The following ANO1 variants were observed in gnomAD, a reference collection of about 807,000 sequenced individuals.
The protein encoded by ANO1 is anoctamin-1.
A neutral mutation model predicts 124.0 loss-of-function variants in ANO1; 59 were observed. The ratio of observed to expected loss-of-function variants is 0.48; its 90% CI spans 0.39 to 0.59. ANO1 has a LOEUF of 0.59. ANO1 is among the 20% of genes least tolerant of loss of function. The probability of loss-of-function intolerance (pLI) is 0.00; values close to 1 mark genes in which losing one functional copy is unlikely to be tolerated. For synonymous variants in ANO1, 529 were observed against 532.0 expected, an observed-to-expected ratio of 0.99 and a Z score of 0.08; for missense variants, 1,059 against 1,328.0, an observed-to-expected ratio of 0.80 and a Z score of 3.15.
chr11:70,091,327 C>G (rs910586417), intron 2 of ANO1, among the ~76,000 whole-genome samples: 1 of 152,164 alleles, frequency 6.6e-6, no homozygotes, highest in Non-Finnish European at 1.5e-5. Flanking sequence ...GTGAGCTTTC[C>G]TGGGGAGAAA....
intron 1 of ANO1, among the ~76,000 whole-genome samples, chr11:70,016,766 C>G (rs986574585): frequency 3.3e-5 from 5 of 152,214 alleles, no homozygotes; most frequent in Non-Finnish European, 7.3e-5. Flanking sequence ...TGGGGCTCAC[C>G]CTTAATCTGG....
chr11:70,161,976 GGGGAGTGAGGACCC>G (rs2048062531), intron 18 of ANO1, among the ~76,000 whole-genome samples: 1 of 148,862 alleles, frequency 6.7e-6, no homozygotes, highest in African/African-American at 2.5e-5. Context: ...AGTGAGGACC[GGGGAGTGAGGACCC>G]GGGAGTGAGG....
intron 10 of ANO1, chr11:70,129,515 C>T (rs2046659463): frequency 6.6e-6 from 1 of 152,216 alleles, no homozygotes; most frequent in African/African-American, 2.4e-5. Context: ...ACCCCTGCTC[C>T]CATGCACACA....
At chr11:70,027,855 C>T (rs968872350) in intron 1 of ANO1, among the ~76,000 whole-genome samples, 54 of 152,110 alleles carry the variant, frequency 3.6e-4, no homozygotes, top group African/African-American at 1.2e-3. Context: ...GCTGCCACCA[C>T]GGAGGCGCAT....
At chr11:70,037,225 G>T (rs1393550244) in intron 1 of ANO1, among the ~76,000 whole-genome samples, 1 of 152,108 alleles carries the variant, frequency 6.6e-6, no homozygotes, top group Non-Finnish European at 1.5e-5. Flanking sequence ...AGATTTGCAG[G>T]CAGGGAAGGA....
Position 70,152,346 on chromosome 11 carries a change from A to G in ANO1, c.1342-104A>G, listed in dbSNP as rs112730299. ...CAAGACTCCATCTCAAAAAAAAAAA[A>G]AAAAAAAAAAAGTTGTCCTTAGTGG... On this transcript the variant is annotated intron_variant, in intron 12 of 25. Coordinates refer to ENST00000355303, the MANE Select transcript of ANO1 (RefSeq NM_018043.7). 50 of 975,768 alleles carry G rather than the reference A, an allele frequency of 5.1e-5. 1 individual carries two copies. The highest frequency in any genetic ancestry group is 5.0e-4 in the African/African-American group (30 of 59,672). The allele number at this position is 975,768 out of a possible 1,614,324, so 60.4% of individuals were successfully genotyped here. A position where few individuals can be genotyped will look rare whatever the true frequency, so the allele number is the denominator to read the frequency against.
chr11:70,151,009 C>T (rs889580671), intron 12 of ANO1, among the ~76,000 whole-genome samples: 1 of 152,210 alleles, frequency 6.6e-6, no homozygotes, highest in Non-Finnish European at 1.5e-5. Flanking sequence ...GGGAGAGGCA[C>T]AGCAGCTCAC....
intron 1 of ANO1, chr11:70,056,410 G>A (rs1378733068): frequency 2.0e-5 from 3 of 151,984 alleles, no homozygotes; most frequent in Non-Finnish European, 4.4e-5. Context: ...TTTGAAAATA[G>A]ATGTCTTTTT....
At chr11:70,035,392 T>A (rs1408916300) in intron 1 of ANO1, among the ~76,000 whole-genome samples, 1 of 152,166 alleles carries the variant, frequency 6.6e-6, no homozygotes, top group Non-Finnish European at 1.5e-5. Flanking sequence ...TTTTTTTTTC[T>A]TTAAGCAAAA....
chr11:70,122,652 CTG>C (rs2046341834), intron 8 of ANO1, among the ~76,000 whole-genome samples: 1 of 151,722 alleles, frequency 6.6e-6, no homozygotes, highest in African/African-American at 2.4e-5. Context: ...CTCTCTGTCT[CTG>C]TCTCTCCATC....
In ANO1 at chr11:70,138,842, C is replaced by T. The variant is rs118009368; in HGVS notation, c.1258+6763C>T. On this transcript the variant is annotated intron_variant, in intron 11 of 25. Coordinates refer to ENST00000355303, the MANE Select transcript of ANO1 (RefSeq NM_018043.7). ...GCTGATCTGTTACATGGGTAAACTG[C>T]GTGCCGTTGGTTTGGTGTACAGGTT... is the stretch of plus-strand genomic sequence containing the variant. Among the ~76,000 whole-genome samples, 126 of 152,070 alleles carry T rather than the reference C, an allele frequency of 8.3e-4. No individual in the cohort carries two copies. In the East Asian group the frequency reaches 0.014, roughly 17 times the overall value.
the ANO1 span, among the ~76,000 whole-genome samples, chr11:69,976,110 A>T: frequency 6.6e-6 from 1 of 152,132 alleles, no homozygotes; most frequent in African/African-American, 2.4e-5. Flanking sequence ...AAATCCTGTC[A>T]TGAGTTGAAA....
the ANO1 span, among the ~76,000 whole-genome samples, chr11:69,976,595 G>A: frequency 2.1e-5 from 3 of 145,272 alleles, no homozygotes; most frequent in Non-Finnish European, 4.5e-5. Flanking sequence ...CAGAGGAATA[G>A]AGGAATGATC....
At chr11:70,182,829 G>T in intron 24 of ANO1, 143 bp downstream of exon 24, 1 of 865,520 alleles carries the variant, frequency 1.2e-6, no homozygotes, top group Non-Finnish European at 1.6e-6. Flanking sequence ...AAAAAAAAAG[G>T]CTGGTGCAGT....
intron 22 of ANO1, among the ~76,000 whole-genome samples, chr11:70,178,229 G>A (rs572681928): frequency 3.9e-5 from 6 of 152,306 alleles, no homozygotes; most frequent in Admixed American, 6.5e-5. Flanking sequence ...AAGCCGGGTC[G>A]GAAGTGTTTC....
intron 2 of ANO1, among the ~76,000 whole-genome samples, chr11:70,099,249 G>C (rs1376597342): frequency 6.6e-6 from 1 of 152,206 alleles, no homozygotes; most frequent in Admixed American, 6.5e-5. Context: ...GGGACAGGCT[G>C]TGGTCAGCCC....
the ANO1 span, among the ~76,000 whole-genome samples, chr11:69,979,137 TACAA>T: frequency 1.3e-5 from 2 of 152,222 alleles, no homozygotes; most frequent in African/African-American, 2.4e-5. Flanking sequence ...GTCTCAGCCC[TACAA>T]ACAAACAAAG....
intron 1 of ANO1, among the ~76,000 whole-genome samples, chr11:70,038,749 G>A (rs929994093): frequency 9.2e-5 from 14 of 152,168 alleles, no homozygotes; most frequent in South Asian, 2.1e-4. Context: ...TTTCAAAACC[G>A]CAGGACCAGA....
At chr11:70,119,861 GATGATGGATAGATGCTGGAGGA>G (rs1480604213) in intron 8 of ANO1, among the ~76,000 whole-genome samples, 2 of 151,394 alleles carry the variant, frequency 1.3e-5, no homozygotes, top group African/African-American at 4.9e-5. Flanking sequence ...ATGATGGAGG[GATGATGGATAGATGCTGGAGGA>G]ATGAATGATG....
Sources: allele counts gnomAD v4.1 joint callset (sites outside exome capture counted in the v4.1 genomes callset), GRCh38; gene constraint gnomAD v4.1.1; transcripts MANE v1.5; gene names NCBI Gene and HGNC (gene_info 2026-07-23, HGNC 2026-07-21).